Variants in PCDH9 observed in about 807,000 individuals in gnomAD.
PCDH9 encodes protocadherin 9.
Under a neutral mutation model 70.6 loss-of-function variants are expected in PCDH9, and 24 were observed. That is an observed-to-expected ratio of 0.34 (90% CI 0.25 to 0.48). PCDH9 has a LOEUF of 0.48. Among genes scored for constraint, PCDH9 ranks in the 20% least tolerant of loss-of-function variants. The probability of loss-of-function intolerance (pLI) is 0.99; values close to 1 mark genes in which losing one functional copy is unlikely to be tolerated. For missense variants in PCDH9, 1,281 were observed against 1,503.6 expected (o/e 0.85, Z 2.45); for synonymous variants, 562 against 558.5 (o/e 1.01, Z -0.09).
At chr13:66,580,739 A>C (rs994829872) in intron 4 of PCDH9, among the ~76,000 whole-genome samples, 3 of 152,000 alleles carry the variant, frequency 2.0e-5, no homozygotes, top group African/African-American at 7.2e-5. Context: ...ACTTTAAATG[A>C]GTGTATCTTA....
chr13:67,181,329 G>A (rs867440270), intron 2 of PCDH9, among the ~76,000 whole-genome samples: 2 of 151,954 alleles, frequency 1.3e-5, no homozygotes, highest in Non-Finnish European at 2.9e-5. Flanking sequence ...AGAAGCTATC[G>A]GTCTTAGTTT....
intron 4 of PCDH9, among the ~76,000 whole-genome samples, chr13:66,414,028 TC>T (rs1217129362): frequency 6.6e-6 from 1 of 152,172 alleles, no homozygotes; most frequent in East Asian, 1.9e-4. Context: ...GGCTTTTTTT[TC>T]ATTGAAATAC....
At chr13:66,736,440 G>C (rs1219639535) in intron 3 of PCDH9, among the ~76,000 whole-genome samples, 1 of 152,164 alleles carries the variant, frequency 6.6e-6, no homozygotes. Context: ...CAAGGAGAGA[G>C]ACCTGGAGAA....
At chr13:67,053,328 A>G (rs2138103046) in intron 2 of PCDH9, among the ~76,000 whole-genome samples, 1 of 152,336 alleles carries the variant, frequency 6.6e-6, no homozygotes, top group Non-Finnish European at 1.5e-5. Context: ...AGAGAGAAGC[A>G]TAAGGATATG....
intron 4 of PCDH9, among the ~76,000 whole-genome samples, chr13:66,362,788 A>T (rs1039113418): frequency 6.6e-6 from 1 of 152,090 alleles, no homozygotes; most frequent in Non-Finnish European, 1.5e-5. Context: ...CAATAAAAGG[A>T]TCATTATATC....
In PCDH9 at chr13:66,799,580, T is replaced by C. The variant is rs914364175; in HGVS notation, c.3138+103924A>G. Among the ~76,000 whole-genome samples the C allele has an allele frequency of 4.6e-5, 7 of 152,218 alleles. No individual in the cohort carries two copies. The East Asian group carries it at 1.3e-3, about 29-fold the overall frequency. On this transcript the variant is annotated intron_variant, in intron 3 of 4. Coordinates refer to ENST00000377865, the MANE Select transcript of PCDH9 (RefSeq NM_203487.3). ...TAAGGACCAGTATTAATTTCACTCATAAGTTATTCTCAGAGAATAAGAAAT... is the reference window on the plus strand; with the variant it reads ...TAAGGACCAGTATTAATTTCACTCACAAGTTATTCTCAGAGAATAAGAAAT...
intron 3 of PCDH9, among the ~76,000 whole-genome samples, chr13:66,684,104 T>A (rs1037860059): frequency 2.6e-5 from 4 of 152,286 alleles, no homozygotes; most frequent in South Asian, 2.1e-4. Context: ...ATACATTTTT[T>A]AAAAATCCTT....
At chr13:66,842,431 T>G (rs1343740023) in intron 3 of PCDH9, among the ~76,000 whole-genome samples, 1 of 152,164 alleles carries the variant, frequency 6.6e-6, no homozygotes, top group Non-Finnish European at 1.5e-5. Context: ...TCTTGGCCCC[T>G]CTTCCTCTCT....
chr13:67,220,036 A>T (rs1308002192), intron 2 of PCDH9: 4 of 151,958 alleles, frequency 2.6e-5, no homozygotes, highest in Non-Finnish European at 5.9e-5. Context: ...AGCAATACAG[A>T]CATCTGACTT....
intron 4 of PCDH9, among the ~76,000 whole-genome samples, chr13:66,540,140 G>T (rs777555926): frequency 6.6e-5 from 10 of 151,892 alleles, no homozygotes; most frequent in Non-Finnish European, 1.0e-4. Context: ...GTGCCAAAGT[G>T]CTGGGATTAC....
chr13:66,792,243 T>G (rs1055494182), intron 3 of PCDH9, among the ~76,000 whole-genome samples: 1 of 152,238 alleles, frequency 6.6e-6, no homozygotes, highest in Admixed American at 6.5e-5. Flanking sequence ...CATATACAAC[T>G]GGATAAATTA....
chr13:66,955,341 A>C (rs2139711639), intron 2 of PCDH9, among the ~76,000 whole-genome samples: 1 of 152,356 alleles, frequency 6.6e-6, no homozygotes, highest in East Asian at 1.9e-4. Context: ...TAAAGGAAGA[A>C]TTATAACTAT....
chr13:66,710,410 C>T (rs77071513), intron 3 of PCDH9, among the ~76,000 whole-genome samples: 4,145 of 152,136 alleles, frequency 0.027, 203 homozygotes, highest in African/African-American at 0.091. Context: ...GACAGGACAC[C>T]GATGCTCTTT....
chr13:66,685,104 T>A (rs1256119841), intron 3 of PCDH9, among the ~76,000 whole-genome samples: 1 of 151,996 alleles, frequency 6.6e-6, no homozygotes, highest in African/African-American at 2.4e-5. Flanking sequence ...GTGCCAAATG[T>A]TAGTCGCCAG....
chr13:66,952,913 T>A (rs1400605241), intron 2 of PCDH9, among the ~76,000 whole-genome samples: 1 of 152,210 alleles, frequency 6.6e-6, no homozygotes, highest in African/African-American at 2.4e-5. Context: ...AGGCTACACA[T>A]CTTCCTTTGT....
At chr13:66,672,175 A>T (rs957276237) in intron 3 of PCDH9, among the ~76,000 whole-genome samples, 1 of 152,226 alleles carries the variant, frequency 6.6e-6, no homozygotes, top group Non-Finnish European at 1.5e-5. Context: ...GCAAGCCCCA[A>T]ACTGTGAGGA....
At chr13:66,422,124 A>T (rs1043349725) in intron 4 of PCDH9, among the ~76,000 whole-genome samples, 1 of 152,208 alleles carries the variant, frequency 6.6e-6, no homozygotes, top group Non-Finnish European at 1.5e-5. Context: ...CTAATTATAT[A>T]TGTACCCAAT....
intron 2 of PCDH9, among the ~76,000 whole-genome samples, chr13:67,033,371 A>T (rs2084945017): frequency 6.6e-6 from 1 of 152,220 alleles, no homozygotes. Context: ...GTGTTCTTGT[A>T]AAGTGAAAGA....
intron 4 of PCDH9, among the ~76,000 whole-genome samples, chr13:66,538,712 T>C (rs1286873323): frequency 6.6e-6 from 1 of 151,864 alleles, no homozygotes; most frequent in East Asian, 1.9e-4. Context: ...TAAAATCTAC[T>C]AATTGAAATG....
Sources: allele counts gnomAD v4.1 joint callset (sites outside exome capture counted in the v4.1 genomes callset), GRCh38; gene constraint gnomAD v4.1.1; transcripts MANE v1.5; gene names NCBI Gene and HGNC (gene_info 2026-07-23, HGNC 2026-07-21).